The following ZNF529 variants were observed in gnomAD, a reference collection of about 807,000 sequenced individuals.
The protein encoded by ZNF529 is zinc finger protein 529.
In ZNF529, 11 loss-of-function variants were observed where a neutral mutation model predicts 10.1. The observed-to-expected ratio is 1.09, with a 90% confidence interval of 0.69 to 1.81. The LOEUF (loss-of-function observed/expected upper bound fraction) is 1.81. ZNF529 is among the 40% of genes most tolerant of loss of function. ZNF529 has a pLI of 0.00. For missense variants in ZNF529, 624 were observed against 666.8 expected (o/e 0.94, Z 0.71); for synonymous variants, 204 against 215.7 (o/e 0.95, Z 0.47).
intron 2 of ZNF529, among the ~76,000 whole-genome samples, chr19:36,568,343 A>C (rs1178926199): frequency 3.3e-5 from 5 of 152,310 alleles, no homozygotes; most frequent in South Asian, 2.1e-4. Context: ...AGCATGGAAG[A>C]AGCAGCCCAG....
At chr19:36,598,024 A>C (rs2036866966) in intron 1 of ZNF529, among the ~76,000 whole-genome samples, 1 of 152,196 alleles carries the variant, frequency 6.6e-6, no homozygotes. Context: ...TCTATACTTA[A>C]AATGACAAAG....
At chr19:36,603,448 C>T (rs1283437490) in intron 1 of ZNF529, among the ~76,000 whole-genome samples, 1 of 152,120 alleles carries the variant, frequency 6.6e-6, no homozygotes, top group Non-Finnish European at 1.5e-5. Context: ...ATTTGGTGAG[C>T]ATTTCAAATG....
chr19:36,547,808 A>T lies in ZNF529; in HGVS notation c.750T>A (p.Asn250Lys), dbSNP rs1405400898. Residue 250 changes from asparagine to lysine, a missense_variant, in exon 5 of 5, where the codon AAT becomes AAA. Transcript: ENST00000591340. ...ATTCCTTACATTTATAGAACTTCTC[A>T]TTATGAATTTTCTGGTATACATTAA... ...KDFNVYQKIH[N>K]EKFYKCKEYR... The T allele has an allele frequency of 4.3e-6, 7 of 1,609,334 alleles. No individual in the cohort carries two copies. The highest frequency in any genetic ancestry group is 5.9e-6 in the Non-Finnish European group (7 of 1,178,092).
At chr19:36,599,529 A>G (rs1017537779) in intron 1 of ZNF529, among the ~76,000 whole-genome samples, 4 of 151,336 alleles carry the variant, frequency 2.6e-5, no homozygotes, top group African/African-American at 9.7e-5. Context: ...AATCTTTCTG[A>G]AAAAAACAAG....
chr19:36,569,147 C>T (rs1481797268), intron 2 of ZNF529, among the ~76,000 whole-genome samples: 17 of 152,194 alleles, frequency 1.1e-4, no homozygotes, highest in Admixed American at 1.1e-3. Context: ...CTTAGACTTT[C>T]ACCCTGAGAT....
At chr19:36,549,712 GTGTTA>G (rs2035188583) in intron 4 of ZNF529, among the ~76,000 whole-genome samples, 1 of 152,168 alleles carries the variant, frequency 6.6e-6, no homozygotes, top group South Asian at 2.1e-4. Flanking sequence ...CAATCGGGAT[GTGTTA>G]TTTACTTCTC....
At chr19:36,569,213 G>A (rs952617874) in intron 2 of ZNF529, among the ~76,000 whole-genome samples, 1 of 152,176 alleles carries the variant, frequency 6.6e-6, no homozygotes, top group Non-Finnish European at 1.5e-5. Flanking sequence ...ATTAGGAGAA[G>A]TAGCTGTTTC....
In ZNF529 at chr19:36,547,748, A is replaced by G; in HGVS notation, c.810T>C (p.Thr270=). Residue 270 remains threonine, a synonymous_variant, in exon 5 of 5, where the codon ACT becomes ACC. Transcript: ENST00000591340. ...RRTFERVGKV[T]PLQRVHDGEK... is the part of the protein sequence containing the mutation. ...CACCATCATGAACTCTTTGAAGTGG[A>G]GTAACTTTTCCAACTCTTTCAAAGG... 6.2e-7 allele frequency: 1 copy of G among 1,613,564 alleles called. No homozygotes were observed. Among genetic ancestry groups the G allele is most frequent in the Non-Finnish European group, 8.5e-7 (1 of 1,179,734 alleles).
chr19:36,556,108 T>G lies in ZNF529; in HGVS notation c.104A>C (p.Asp35Ala). 1 of 1,551,164 alleles carries G rather than the reference T, an allele frequency of 6.4e-7. No individual in the cohort carries two copies. Among genetic ancestry groups the G allele is most frequent in the Non-Finnish European group, 8.7e-7 (1 of 1,146,618 alleles). The stretch of plus-strand genomic sequence containing the variant: ...AAAGAGAAGTAGTTAACTTACATGG[T>G]CCATGGTTAGAACTGTAAAGAATTG... ...PDQFFTVLTMDHELVTLRDVV... is the reference protein window; with the variant it reads ...PDQFFTVLTMAHELVTLRDVV... Residue 35 changes from aspartate to alanine, a missense_variant, in exon 3 of 5, where the codon GAC (aspartate) becomes GCC (alanine). Physicochemically the swap from Asp to Ala is moderately radical, Grantham distance 126. Coordinates refer to ENST00000591340, the MANE Select transcript of ZNF529 (RefSeq NM_020951.5).
intron 1 of ZNF529, among the ~76,000 whole-genome samples, chr19:36,602,315 G>C (rs1324794988): frequency 1.3e-5 from 2 of 152,138 alleles, no homozygotes; most frequent in East Asian, 1.9e-4. Context: ...CAAAGTGCTG[G>C]GATTACAGGT....
In ZNF529 at chr19:36,543,978, T is replaced by G. The variant is rs1023525638; in HGVS notation, c.*2888A>C. ...CTAACATACATATATTAGTTGCCAT[T>G]AAATTGAATTCCTTCAAGGACATAT... On this transcript the variant is annotated 3_prime_UTR_variant, in exon 5 of 5. Transcript: ENST00000591340. The G allele has an allele frequency of 2.3e-5, 2 of 88,088 alleles. No homozygotes were observed. Among genetic ancestry groups the G allele is most frequent in the African/African-American group, 1.1e-4 (2 of 18,156 alleles). The allele number at this position is 88,088 out of a possible 1,614,324, so 5.5% of individuals were successfully genotyped here.
At chr19:36,566,078 T>C (rs996456741) in intron 2 of ZNF529, among the ~76,000 whole-genome samples, 1 of 152,140 alleles carries the variant, frequency 6.6e-6, no homozygotes, top group African/African-American at 2.4e-5. Flanking sequence ...CCAAAGAAAG[T>C]TGTAGCCCTT....
At chr19:36,592,193 G>A (rs1178008533) in intron 1 of ZNF529, among the ~76,000 whole-genome samples, 1 of 149,972 alleles carries the variant, frequency 6.7e-6, no homozygotes, top group Non-Finnish European at 1.5e-5. Flanking sequence ...GCTGAGGTGG[G>A]AGGATCACTT....
chr19:36,597,171 A>G (rs952958803), intron 1 of ZNF529, among the ~76,000 whole-genome samples: 1 of 152,190 alleles, frequency 6.6e-6, no homozygotes, highest in Non-Finnish European at 1.5e-5. Flanking sequence ...TGCCCAGCCA[A>G]TAGTTAATCT....
intron 2 of ZNF529, among the ~76,000 whole-genome samples, chr19:36,588,215 C>T (rs751079899): frequency 6.6e-6 from 1 of 152,154 alleles, no homozygotes; most frequent in Non-Finnish European, 1.5e-5. Context: ...GAATTGTACA[C>T]TTTAAATGGG....
At chr19:36,551,073 G>A (rs1489489765) in intron 4 of ZNF529, among the ~76,000 whole-genome samples, 1 of 152,176 alleles carries the variant, frequency 6.6e-6, no homozygotes, top group African/African-American at 2.4e-5. Flanking sequence ...GGGGAGGTAT[G>A]AGATGTAACC....
chr19:36,569,819 A>G (rs757818446), intron 2 of ZNF529, among the ~76,000 whole-genome samples: 3 of 152,102 alleles, frequency 2.0e-5, no homozygotes, highest in Non-Finnish European at 4.4e-5. Context: ...GAGTGCTCAA[A>G]CCCTGCACAT....
chr19:36,551,734 G>A (rs2035265763), intron 4 of ZNF529: 1 of 152,002 alleles, frequency 6.6e-6, no homozygotes, highest in African/African-American at 2.4e-5. Flanking sequence ...CACTGAAAAG[G>A]AACTGTGTAT....
At chr19:36,589,027 T>C (rs1322719381) in intron 2 of ZNF529, among the ~76,000 whole-genome samples, 17 of 151,816 alleles carry the variant, frequency 1.1e-4, no homozygotes, top group East Asian at 1.9e-4. Flanking sequence ...CACTGTAACC[T>C]TGAATTCATG....
Sources: gnomAD v4.1 joint callset for allele counts (sites outside exome capture counted in the v4.1 genomes callset) on GRCh38, gnomAD v4.1.1 for gene constraint, MANE v1.5 for transcripts, NCBI Gene and HGNC (gene_info 2026-07-23, HGNC 2026-07-21) for gene names.